Variants in CHLSN observed in about 807,000 individuals in gnomAD.
The protein encoded by CHLSN is cholesin, also known as protein cholesin.
At chr7:1,101,401 C>G in the CHLSN span, among the ~76,000 whole-genome samples, 20 of 150,984 alleles carry the variant, frequency 1.3e-4, no homozygotes, top group African/African-American at 4.7e-4. Context: ...CCCAGCTACT[C>G]TCAGAGCAGG....
At chr7:1,061,682 T>A in the CHLSN span, among the ~76,000 whole-genome samples, 1 of 152,122 alleles carries the variant, frequency 6.6e-6, no homozygotes, top group African/African-American at 2.4e-5. Context: ...ACACAAGAAC[T>A]TGAGCCACTC....
chr7:1,106,932 AC>A, the CHLSN span, among the ~76,000 whole-genome samples: 1 of 152,122 alleles, frequency 6.6e-6, no homozygotes, highest in Non-Finnish European at 1.5e-5. Context: ...CTCCCTGCCC[AC>A]CGTGACCACG....
the CHLSN span, among the ~76,000 whole-genome samples, chr7:1,011,288 T>C: frequency 8.2e-5 from 8 of 97,508 alleles, no homozygotes; most frequent in Admixed American, 7.4e-4. Context: ...TACCCACACA[T>C]AGACCAACAC....
the CHLSN span, among the ~76,000 whole-genome samples, chr7:1,054,995 C>G: frequency 1.3e-5 from 2 of 152,204 alleles, no homozygotes; most frequent in African/African-American, 2.4e-5. Flanking sequence ...ACACTGAACA[C>G]CAGGGGCGGC....
the CHLSN span, among the ~76,000 whole-genome samples, chr7:1,038,140 G>A: frequency 7.0e-5 from 8 of 113,904 alleles, no homozygotes; most frequent in East Asian, 2.6e-4. Flanking sequence ...CAGCCACCCC[G>A]TCCGGGAGGG....
At chr7:994,884 C>T in the CHLSN span, among the ~76,000 whole-genome samples, 1 of 152,246 alleles carries the variant, frequency 6.6e-6, no homozygotes, top group Admixed American at 6.5e-5. Context: ...AAGAGAAAAG[C>T]ACGCATGCCC....
the CHLSN span, among the ~76,000 whole-genome samples, chr7:994,221 G>A: frequency 2.6e-5 from 4 of 152,178 alleles, no homozygotes; most frequent in Non-Finnish European, 4.4e-5. Flanking sequence ...GCAATGGCAC[G>A]ATCTCGGCTC....
chr7:1,068,720 A>G, the CHLSN span, among the ~76,000 whole-genome samples: 1 of 152,174 alleles, frequency 6.6e-6, no homozygotes, highest in Non-Finnish European at 1.5e-5. Flanking sequence ...CTCGTCTGCA[A>G]CATAGCTTGT....
At chr7:1,009,653 T>C in the CHLSN span, among the ~76,000 whole-genome samples, 1 of 152,152 alleles carries the variant, frequency 6.6e-6, no homozygotes, top group South Asian at 2.1e-4. Flanking sequence ...GCCCGTGGAT[T>C]CTTCCTGTGG....
the CHLSN span, among the ~76,000 whole-genome samples, chr7:979,651 C>T: frequency 6.6e-6 from 1 of 151,818 alleles, no homozygotes; most frequent in African/African-American, 2.4e-5. Flanking sequence ...ACTCGGGAGG[C>T]TGAGGCAGGA....
chr7:1,016,840 C>CA, the CHLSN span, among the ~76,000 whole-genome samples: 1 of 129,218 alleles, frequency 7.7e-6, no homozygotes, highest in Admixed American at 7.6e-5. Context: ...CAGCAGCGCA[C>CA]GCCAGCACAC....
chr7:1,126,392 A>G, the CHLSN span, among the ~76,000 whole-genome samples: 1 of 150,100 alleles, frequency 6.7e-6, no homozygotes, highest in African/African-American at 2.5e-5. Flanking sequence ...AAGAATAAAA[A>G]TGCAGGCCAG....
the CHLSN span, chr7:1,080,822 A>T: frequency 6.6e-6 from 1 of 152,262 alleles, no homozygotes; most frequent in African/African-American, 2.4e-5. Context: ...TTATATACAC[A>T]GTGCCACGCA....
At chr7:1,093,706 T>C in the CHLSN span, 1 of 467,942 alleles carries the variant, frequency 2.1e-6, no homozygotes, top group African/African-American at 2.0e-5. Context: ...AAATAACAGC[T>C]GGGGACAACT....
chr7:994,351 G>A, the CHLSN span, among the ~76,000 whole-genome samples: 2 of 151,888 alleles, frequency 1.3e-5, no homozygotes, highest in Non-Finnish European at 2.9e-5. Context: ...AGTAGAGATG[G>A]GCTTTCACCA....
the CHLSN span, chr7:988,433 G>A: frequency 6.2e-7 from 1 of 1,612,104 alleles, no homozygotes; most frequent in Non-Finnish European, 8.5e-7. Context: ...GCAGCCCTCG[G>A]GGCCGGGGTG....
chr7:1,062,951 C>CACCTTA, the CHLSN span, among the ~76,000 whole-genome samples: 2 of 152,178 alleles, frequency 1.3e-5, no homozygotes, highest in Non-Finnish European at 2.9e-5. Context: ...ACCCCCTAAC[C>CACCTTA]ACCCTAACCC....
At chr7:1,049,258 G>A in the CHLSN span, among the ~76,000 whole-genome samples, 1 of 152,266 alleles carries the variant, frequency 6.6e-6, no homozygotes, top group Admixed American at 6.5e-5. Context: ...TCACAGAACA[G>A]CTTCCTCTGC....
At chr7:986,450 G>A in the CHLSN span, 5 of 700,724 alleles carry the variant, frequency 7.1e-6, no homozygotes, top group Admixed American at 1.5e-4. Context: ...GGGGTTTCCT[G>A]GCAGTTCCTG....
Sources: allele counts gnomAD v4.1 joint callset (sites outside exome capture counted in the v4.1 genomes callset), GRCh38; gene constraint gnomAD v4.1.1; transcripts MANE v1.5; gene names NCBI Gene and HGNC (gene_info 2026-07-23, HGNC 2026-07-21).